LRRC28: variants seen among roughly 807,000 people sequenced by gnomAD.
LRRC28 encodes the protein leucine-rich repeat-containing protein 28.
Under a neutral mutation model 45.7 loss-of-function variants are expected in LRRC28, and 39 were observed. The ratio of observed to expected loss-of-function variants is 0.85; its 90% CI spans 0.66 to 1.12. The LOEUF (loss-of-function observed/expected upper bound fraction) is 1.12, where lower values mean the gene tolerates loss of function less well. Among genes scored for constraint, LRRC28 ranks in the 50% most tolerant of loss-of-function variants. The pLI is 0.00. For synonymous variants in LRRC28, 206 were observed against 178.8 expected, an observed-to-expected ratio of 1.15 and a Z score of -1.22; for missense variants, 435 against 438.5, an observed-to-expected ratio of 0.99 and a Z score of 0.07.
At chr15:99,321,913 G>T (rs554495582) in intron 5 of LRRC28, among the ~76,000 whole-genome samples, 1 of 152,206 alleles carries the variant, frequency 6.6e-6, no homozygotes, top group Admixed American at 6.5e-5. Context: ...ATAAGTAAAT[G>T]CAGGGAGGGA....
chr15:99,380,912 G>A (rs1957801125), intron 9 of LRRC28, among the ~76,000 whole-genome samples: 1 of 152,234 alleles, frequency 6.6e-6, no homozygotes, highest in Non-Finnish European at 1.5e-5. Flanking sequence ...CTGTTCGTCT[G>A]ATGGGCTTTC....
intron 6 of LRRC28, among the ~76,000 whole-genome samples, chr15:99,348,695 A>G (rs1053282824): frequency 4.7e-5 from 7 of 149,828 alleles, no homozygotes; most frequent in Non-Finnish European, 1.0e-4. Context: ...AGATGCCTCC[A>G]GTTTTATTTT....
chr15:99,379,579 CT>C (rs1185210868), intron 9 of LRRC28, among the ~76,000 whole-genome samples: 1 of 152,160 alleles, frequency 6.6e-6, no homozygotes, highest in Admixed American at 6.5e-5. Context: ...TTGGCTTCTG[CT>C]AGCTTTTGAA....
chr15:99,344,181 G>A (rs896404716), intron 6 of LRRC28, among the ~76,000 whole-genome samples: 14 of 152,168 alleles, frequency 9.2e-5, no homozygotes, highest in African/African-American at 3.4e-4. Context: ...ATTTTGCCAG[G>A]AATAAAGCTG....
At chr15:99,272,550 A>G (rs1198554540) in intron 2 of LRRC28, among the ~76,000 whole-genome samples, 1 of 152,242 alleles carries the variant, frequency 6.6e-6, no homozygotes, top group Non-Finnish European at 1.5e-5. Flanking sequence ...TTCCAAGTTA[A>G]AAAATTTTAA....
intron 5 of LRRC28, among the ~76,000 whole-genome samples, chr15:99,300,575 C>G (rs532086124): frequency 6.6e-6 from 1 of 152,074 alleles, no homozygotes; most frequent in East Asian, 1.9e-4. Flanking sequence ...GCCTGTAATC[C>G]CAGCACTTTG....
intron 5 of LRRC28, chr15:99,320,806 A>G (rs1487120800): frequency 6.6e-6 from 1 of 152,190 alleles, no homozygotes; most frequent in Non-Finnish European, 1.5e-5. Context: ...AAAATGATGT[A>G]ATAGTTAAAC....
chr15:99,304,629 T>C (rs1156692181), intron 5 of LRRC28, among the ~76,000 whole-genome samples: 1 of 152,036 alleles, frequency 6.6e-6, no homozygotes, highest in African/African-American at 2.4e-5. Flanking sequence ...GTATTTTTAG[T>C]AGAGACGGGG....
At chr15:99,362,125 G>A (rs760813714) in intron 8 of LRRC28, among the ~76,000 whole-genome samples, 11 of 152,140 alleles carry the variant, frequency 7.2e-5, no homozygotes, top group Admixed American at 4.6e-4. Flanking sequence ...TTAAGACAGC[G>A]CTAGGCAATA....
At chr15:99,309,555 C>T (rs577138779) in intron 5 of LRRC28, among the ~76,000 whole-genome samples, 3 of 152,178 alleles carry the variant, frequency 2.0e-5, no homozygotes, top group East Asian at 3.9e-4. Context: ...ATTACAGGCA[C>T]GCGCCACCAC....
At chr15:99,277,705 TC>T (rs1364031261) in intron 3 of LRRC28, among the ~76,000 whole-genome samples, 1 of 152,220 alleles carries the variant, frequency 6.6e-6, no homozygotes, top group Non-Finnish European at 1.5e-5. Flanking sequence ...TTTGCTTTCA[TC>T]CTTTTGTATG....
chr15:99,303,929 A>T (rs1236601919), intron 5 of LRRC28, among the ~76,000 whole-genome samples: 3 of 152,112 alleles, frequency 2.0e-5, no homozygotes, highest in Non-Finnish European at 2.9e-5. Context: ...GATGTAATTT[A>T]TGTATGTGTT....
intron 8 of LRRC28, among the ~76,000 whole-genome samples, 194 bp downstream of exon 8, chr15:99,361,705 G>A (rs968718377): frequency 2.0e-5 from 3 of 152,146 alleles, no homozygotes; most frequent in African/African-American, 7.2e-5. Flanking sequence ...TTGTGCAACA[G>A]GATTTTTCTA....
chr15:99,294,169 T>G (rs1597266104), intron 5 of LRRC28, among the ~76,000 whole-genome samples: 1 of 152,120 alleles, frequency 6.6e-6, no homozygotes, highest in African/African-American at 2.4e-5. Context: ...GATACAGGAT[T>G]TTTTATATTT....
intron 6 of LRRC28, among the ~76,000 whole-genome samples, chr15:99,351,277 A>T (rs1956869606): frequency 6.6e-6 from 1 of 152,136 alleles, no homozygotes; most frequent in African/African-American, 2.4e-5. Flanking sequence ...TGTATATCTG[A>T]GAAGTGTCTC....
chr15:99,261,988 G>A (rs889505122), intron 2 of LRRC28, among the ~76,000 whole-genome samples: 1 of 151,996 alleles, frequency 6.6e-6, no homozygotes, highest in Non-Finnish European at 1.5e-5. Context: ...CATCATCTTG[G>A]GGTTTAGAAT....
chr15:99,304,399 C>T (rs189956481), intron 5 of LRRC28, among the ~76,000 whole-genome samples: 59 of 149,890 alleles, frequency 3.9e-4, no homozygotes, highest in Admixed American at 8.7e-4. Flanking sequence ...TTCCTTTTTC[C>T]GGCACTCCAT....
intron 5 of LRRC28, among the ~76,000 whole-genome samples, chr15:99,331,513 T>C (rs1956157445): frequency 6.6e-6 from 1 of 152,236 alleles, no homozygotes; most frequent in Non-Finnish European, 1.5e-5. Context: ...CTACTTGTTT[T>C]GTCAGCCTAG....
At chr15:99,353,492 T>G (rs1956951517) in intron 7 of LRRC28, among the ~76,000 whole-genome samples, 1 of 152,176 alleles carries the variant, frequency 6.6e-6, no homozygotes, top group Non-Finnish European at 1.5e-5. Flanking sequence ...GCTGATGAAC[T>G]CCAAGCTGAG....
Sources: gnomAD v4.1 joint callset for allele counts (sites outside exome capture counted in the v4.1 genomes callset) on GRCh38, gnomAD v4.1.1 for gene constraint, MANE v1.5 for transcripts, NCBI Gene and HGNC (gene_info 2026-07-23, HGNC 2026-07-21) for gene names.